Variants in HERC4 observed in about 807,000 individuals in gnomAD.
HERC4 encodes the protein HECT and RLD domain containing E3 ubiquitin protein ligase 4, also known as probable E3 ubiquitin-protein ligase HERC4.
HERC4 carries 28 observed loss-of-function variants against 124.3 expected under a neutral mutation model. The ratio of observed to expected loss-of-function variants is 0.23; its 90% confidence interval spans 0.17 to 0.31. The LOEUF is 0.31. Among genes scored for constraint, HERC4 ranks in the 10% least tolerant of loss-of-function variants. HERC4 has a pLI of 1.00. For synonymous variants in HERC4, 407 were observed against 421.5 expected, an observed-to-expected ratio of 0.97 and a Z score of 0.42; for missense variants, 713 against 1,229.3, an observed-to-expected ratio of 0.58 and a Z score of 6.28.
intron 9 of HERC4, among the ~76,000 whole-genome samples, chr10:68,004,062 C>A (rs1308146106): frequency 6.6e-6 from 1 of 152,068 alleles, no homozygotes; most frequent in Non-Finnish European, 1.5e-5. Context: ...TGAGATAATA[C>A]CTCATTTTAG....
rs138050970 is a variant in HERC4, at chr10:67,938,127, A to G, written c.2571+1461T>C. 6.0e-3 allele frequency among the ~76,000 whole-genome samples: 909 copies of G among 152,168 alleles called. 8 individuals carry two copies. Among genetic ancestry groups the G allele is most frequent in the African/African-American group, 0.021 (870 of 41,534 alleles). On this transcript the variant is annotated intron_variant, in intron 21 of 24. Transcript: ENST00000373700. ...GTGTGTGTGGCAGGGTGGCAAACAA[A>G]TATACAAGCAAAAAATTTAAAAAAT...
chr10:68,035,663 C>G (rs1040096628), intron 5 of HERC4, among the ~76,000 whole-genome samples: 1 of 152,152 alleles, frequency 6.6e-6, no homozygotes, highest in Non-Finnish European at 1.5e-5. Flanking sequence ...TATGATCTAC[C>G]TATGTTTCCA....
chr10:68,061,117 T>G (rs1311338187), intron 3 of HERC4, among the ~76,000 whole-genome samples: 1 of 152,180 alleles, frequency 6.6e-6, no homozygotes, highest in Non-Finnish European at 1.5e-5. Context: ...AGCTCTTGCC[T>G]ACATTGCCCG....
At chr10:68,044,714 T>C (rs1381876941) in intron 3 of HERC4, 151 bp from the exon 4 acceptor site, 1 of 672,150 alleles carries the variant, frequency 1.5e-6, no homozygotes, top group East Asian at 2.8e-5. Context: ...ACACTAGATA[T>C]AACCAGTTAT....
rs201606002 is a variant in HERC4, at chr10:67,954,676, G to T, written c.2256C>A (p.Leu752=). 6.2e-7 allele frequency: 1 copy of T among 1,613,530 alleles called. No individual in the cohort carries two copies. The highest frequency in any genetic ancestry group is 1.3e-5 in the African/African-American group (1 of 74,954). ...AGGVRKEFFL[L]IMRELLDPKY... ...TAGGATCCAATAATTCCCTCATGATGAGCAAGAAAAATTCTTTGCGCACCC... is the reference window on the plus strand; with the variant it reads ...TAGGATCCAATAATTCCCTCATGATTAGCAAGAAAAATTCTTTGCGCACCC... The change falls in exon 19 of 25, where the codon CTC becomes CTA. Residue 752 remains leucine, a synonymous_variant. Transcript: ENST00000373700.
intron 21 of HERC4, among the ~76,000 whole-genome samples, chr10:67,938,307 G>A (rs2032554855): frequency 6.6e-6 from 1 of 151,752 alleles, no homozygotes; most frequent in African/African-American, 2.4e-5. Flanking sequence ...TGGGTATGGT[G>A]GTGTGCACCT....
chr10:67,990,911 G>T lies in HERC4; in HGVS notation c.1436C>A (p.Ser479Tyr). 6.3e-7 allele frequency: 1 copy of T among 1,584,894 alleles called. No individual in the cohort carries two copies. The highest frequency in any genetic ancestry group is 8.6e-7 in the Non-Finnish European group (1 of 1,160,662). The change falls in exon 13 of 25, where the codon TCT becomes TAT. Residue 479 changes from serine to tyrosine, a missense_variant. By Grantham distance (144) the Ser-to-Tyr change is moderately radical. Coordinates refer to ENST00000373700, the MANE Select transcript of HERC4 (RefSeq NM_015601.4). Reference sequence around the variant, plus strand: ...AATACTTTAAAAACAGACCTGCTGAGATATCTGCGGATGATCAGGTTGTAT... The same window carrying T: ...AATACTTTAAAAACAGACCTGCTGATATATCTGCGGATGATCAGGTTGTAT... ...KLIQPDHPQI[S>Y]QQVAASLEKN... is the part of the protein sequence containing the mutation.
intron 9 of HERC4, among the ~76,000 whole-genome samples, chr10:68,012,781 A>C (rs1193178463): frequency 6.6e-6 from 1 of 152,234 alleles, no homozygotes; most frequent in Admixed American, 6.5e-5. Flanking sequence ...CAGTGTTGTC[A>C]AAAAACCTTC....
Position 67,923,033 on chromosome 10 carries a change from A to G in HERC4, c.3048T>C (p.Thr1016=), listed in dbSNP as rs772889912. The stretch of plus-strand genomic sequence containing the variant: ...TTGGAAGATCCAGAAGATTAAAACA[A>G]GTATGGGAAACTGGGAGATACTCCT... ...GGEEYLPVSH[T]CFNLLDLPKY... is the part of the protein sequence containing the mutation. The change falls in exon 25 of 25, where the codon ACT becomes ACC. Residue 1016 remains threonine (T), a synonymous_variant. Coordinates refer to ENST00000373700, the MANE Select transcript of HERC4 (RefSeq NM_015601.4). 6.2e-7 allele frequency: 1 copy of G among 1,613,830 alleles called. No individual in the cohort carries two copies. Among genetic ancestry groups the G allele is most frequent in the Non-Finnish European group, 8.5e-7 (1 of 1,179,712 alleles).
intron 23 of HERC4, among the ~76,000 whole-genome samples, chr10:67,927,385 T>C (rs939148586): frequency 5.0e-4 from 5 of 10,082 alleles, no homozygotes; most frequent in African/African-American, 2.5e-3. Context: ...ACACCATATA[T>C]ATATATATAT....
chr10:67,996,743 G>A (rs2036906179), intron 9 of HERC4, among the ~76,000 whole-genome samples: 1 of 152,082 alleles, frequency 6.6e-6, no homozygotes, highest in African/African-American at 2.4e-5. Context: ...TCAGCACTTT[G>A]GGAGGCCAAG....
At chr10:68,072,274 A>T (rs993030853) in intron 3 of HERC4, among the ~76,000 whole-genome samples, 7 of 152,198 alleles carry the variant, frequency 4.6e-5, no homozygotes, top group African/African-American at 1.7e-4. Context: ...TACCCTACAA[A>T]TTATTTAATT....
chr10:68,019,312 A>G (rs143674283), intron 8 of HERC4, among the ~76,000 whole-genome samples: 87 of 152,152 alleles, frequency 5.7e-4, no homozygotes, highest in Non-Finnish European at 1.0e-3. Context: ...AAGCATTCTT[A>G]AAGAACAGAA....
chr10:68,052,316 G>A (rs1023265405), intron 3 of HERC4, among the ~76,000 whole-genome samples: 2 of 152,122 alleles, frequency 1.3e-5, no homozygotes, highest in African/African-American at 2.4e-5. Flanking sequence ...CACTAATGGC[G>A]CATCATTTTA....
chr10:67,967,011 T>C (rs1353395328), intron 15 of HERC4, among the ~76,000 whole-genome samples: 3 of 152,154 alleles, frequency 2.0e-5, no homozygotes, highest in South Asian at 2.1e-4. Flanking sequence ...CCCGCCATCA[T>C]GACCGGCTAA....
At chr10:68,010,450 G>A (rs549762267) in intron 9 of HERC4, 19 of 937,250 alleles carry the variant, frequency 2.0e-5, no homozygotes, top group South Asian at 2.8e-5. Context: ...CCCTTCTGGC[G>A]CCAATTACAG....
chr10:68,065,629 T>C (rs1348394737), intron 3 of HERC4, among the ~76,000 whole-genome samples: 1 of 152,078 alleles, frequency 6.6e-6, no homozygotes, highest in Non-Finnish European at 1.5e-5. Context: ...TCCCAGCACT[T>C]TGGGAGTCTG....
chr10:67,932,534 A>G, intron 23 of HERC4, 63 bp downstream of exon 23: 1 of 1,435,548 alleles, frequency 7.0e-7, no homozygotes, highest in East Asian at 2.3e-5. Flanking sequence ...AATACATAAA[A>G]AGGCAAGATT....
At chr10:68,031,796 C>T (rs551386433) in intron 7 of HERC4, among the ~76,000 whole-genome samples, 1 of 152,226 alleles carries the variant, frequency 6.6e-6, no homozygotes, top group African/African-American at 2.4e-5. Flanking sequence ...CTTTGTCTCC[C>T]AGGCTGCAGT....
Sources: gnomAD v4.1 joint callset for allele counts (sites outside exome capture counted in the v4.1 genomes callset) on GRCh38, gnomAD v4.1.1 for gene constraint, MANE v1.5 for transcripts, NCBI Gene and HGNC (gene_info 2026-07-23, HGNC 2026-07-21) for gene names.